The following ZNF540 variants were observed in gnomAD, a reference collection of about 807,000 sequenced individuals.
ZNF540 encodes zinc finger protein 540, also known as CTD-3064H18.6.
Under a neutral mutation model 11.8 loss-of-function variants are expected in ZNF540, and 3 were observed. That is an observed-to-expected ratio of 0.25 (90% confidence interval 0.12 to 0.65). The LOEUF is 0.65. Ranked by LOEUF, ZNF540 falls within the 30% of genes least tolerant of loss-of-function variation. The pLI is 0.83. For missense variants in ZNF540, 709 were observed against 793.1 expected (o/e 0.89, Z 1.27); for synonymous variants, 247 against 259.0 (o/e 0.95, Z 0.45).
intron 1 of ZNF540, chr19:37,556,109 TC>T: frequency 1.4e-6 from 1 of 702,768 alleles, no homozygotes; most frequent in South Asian, 1.5e-5. Flanking sequence ...GGTTGACACT[TC>T]CTGCTTTTGG....
chr19:37,578,165 A>G (rs1237083043), intron 1 of ZNF540, among the ~76,000 whole-genome samples: 2 of 152,052 alleles, frequency 1.3e-5, no homozygotes, highest in Admixed American at 1.3e-4. Context: ...CCCACTCCCC[A>G]CGGCCAGAAA....
At chr19:37,588,246 T>A (rs1000367235) in intron 1 of ZNF540, among the ~76,000 whole-genome samples, 1 of 151,844 alleles carries the variant, frequency 6.6e-6, no homozygotes. Flanking sequence ...AGTACAAGTA[T>A]GAAAGCAGAT....
chr19:37,577,531 T>C (rs549643522), intron 1 of ZNF540, among the ~76,000 whole-genome samples: 1 of 152,166 alleles, frequency 6.6e-6, no homozygotes, highest in Admixed American at 6.5e-5. Flanking sequence ...GCAAAGCTAA[T>C]CCTTTATACC....
Position 37,611,556 on chromosome 19 carries a change from G to A in ZNF540, c.276G>A (p.Lys92=). The A allele has an allele frequency of 6.2e-7, 1 of 1,607,208 alleles. No homozygotes were observed. Among genetic ancestry groups the A allele is most frequent in the Non-Finnish European group, 8.5e-7 (1 of 1,177,434 alleles). The part of the protein sequence containing the change: ...RHKTKKLSSE[K]DIHEISLSKE... ...AGACCAAGAAATTATCTTCAGAAAA[G>A]GACATTCATGAAATCAGTTTATCCA... Residue 92 remains lysine, a synonymous_variant, in exon 5 of 5, where the codon AAG becomes AAA. Transcript: ENST00000316433.
rs765462859 is a variant in ZNF540, at chr19:37,565,924, T to G, written c.-73+14259T>G. On this transcript the variant is annotated intron_variant, in intron 1 of 4. Transcript: ENST00000592533. ...TAAAGGTATTCCTGTGTTTCTTAAC[T>G]TCAGAGCATTTTTCTATATTATGAT... 2.5e-6 allele frequency: 4 copies of G among 1,613,928 alleles called. No homozygotes were observed. The Admixed American group carries it at 6.7e-5, about 27-fold the overall frequency.
chr19:37,554,081 A>G (rs1348191318), intron 1 of ZNF540, among the ~76,000 whole-genome samples: 1 of 152,132 alleles, frequency 6.6e-6, no homozygotes, highest in Admixed American at 6.5e-5. Flanking sequence ...TTGGTGTACA[A>G]ATGATTTTGC....
At chr19:37,561,038 C>G (rs942749035) in intron 1 of ZNF540, among the ~76,000 whole-genome samples, 4 of 107,170 alleles carry the variant, frequency 3.7e-5, no homozygotes, top group African/African-American at 1.4e-4. Flanking sequence ...AAAATAAGAC[C>G]CTGTCTCTAC....
chr19:37,568,275 T>G (rs753297898), intron 1 of ZNF540, among the ~76,000 whole-genome samples: 25 of 151,956 alleles, frequency 1.6e-4, no homozygotes, highest in Non-Finnish European at 2.4e-4. Context: ...AAAACACACT[T>G]TTGCTGAAAA....
At chr19:37,593,618 G>C (rs938208943), upstream of ZNF540, among the ~76,000 whole-genome samples, 1 of 152,120 alleles carries the variant, frequency 6.6e-6, no homozygotes, top group African/African-American at 2.4e-5. Flanking sequence ...CAGGAGAATG[G>C]CGTGAACCCG....
At chr19:37,599,199 G>C (rs1029361991) in intron 2 of ZNF540, among the ~76,000 whole-genome samples, 2 of 146,460 alleles carry the variant, frequency 1.4e-5, no homozygotes, top group Non-Finnish European at 3.1e-5. Context: ...TAGATAGATA[G>C]ATAAACTTAA....
chr19:37,572,695 C>A (rs746234139), intron 1 of ZNF540, among the ~76,000 whole-genome samples: 1 of 152,160 alleles, frequency 6.6e-6, no homozygotes, highest in Non-Finnish European at 1.5e-5. Flanking sequence ...GCTTTCTGAA[C>A]TTTTAAAGGT....
chr19:37,575,077 A>G (rs973291681), intron 1 of ZNF540, among the ~76,000 whole-genome samples: 1 of 152,234 alleles, frequency 6.6e-6, no homozygotes, highest in Admixed American at 6.5e-5. Context: ...AACACCCCAA[A>G]TAACAAAACT....
chr19:37,571,180 A>T lies in ZNF540; in HGVS notation c.-73+19515A>T, dbSNP rs183231353. ...TAATAACTGCCCATGACCACACAAC[A>T]TCAAAATGATTTTGCCTTACAAATT... is the stretch of plus-strand genomic sequence containing the variant. On this transcript the variant is annotated intron_variant, in intron 1 of 4. Transcript: ENST00000592533. 4.6e-5 allele frequency among the ~76,000 whole-genome samples: 7 copies of T among 152,236 alleles called. No individual in the cohort carries two copies. In the East Asian group the frequency reaches 1.4e-3, roughly 29 times the overall value.
At chr19:37,598,128 G>A in intron 1 of ZNF540, among the ~76,000 whole-genome samples, 1 of 152,154 alleles carries the variant, frequency 6.6e-6, no homozygotes, top group South Asian at 2.1e-4. Context: ...TCATAGTGGG[G>A]ATTGGCCCAG....
chr19:37,603,826 A>G (rs1190706610), intron 4 of ZNF540, among the ~76,000 whole-genome samples: 2 of 152,208 alleles, frequency 1.3e-5, no homozygotes, highest in African/African-American at 4.8e-5. Flanking sequence ...AGAAAAGGCT[A>G]TTAAGTTCTA....
At chr19:37,610,870 CA>C (rs1278718843) in intron 4 of ZNF540, 1 of 151,932 alleles carries the variant, frequency 6.6e-6, no homozygotes, top group African/African-American at 2.4e-5. Flanking sequence ...ATTCAGATAC[CA>C]AATTACTCCT....
chr19:37,566,705 T>C (rs1471180496), intron 1 of ZNF540, among the ~76,000 whole-genome samples: 4 of 152,178 alleles, frequency 2.6e-5, no homozygotes, highest in African/African-American at 9.6e-5. Context: ...CCCTCTCTCA[T>C]TGTCATAACC....
chr19:37,554,629 T>G (rs1209017410), intron 1 of ZNF540, among the ~76,000 whole-genome samples: 1 of 152,198 alleles, frequency 6.6e-6, no homozygotes, highest in Non-Finnish European at 1.5e-5. Flanking sequence ...TTGGAGTATT[T>G]TCAACCATTA....
chr19:37,572,362 A>G (rs2043091731), intron 1 of ZNF540, among the ~76,000 whole-genome samples: 2 of 152,232 alleles, frequency 1.3e-5, no homozygotes, highest in South Asian at 4.1e-4. Flanking sequence ...TAAGTTTTAA[A>G]CTGTGTGCCA....
Sources: gnomAD v4.1 joint callset for allele counts (sites outside exome capture counted in the v4.1 genomes callset) on GRCh38, gnomAD v4.1.1 for gene constraint, MANE v1.5 for transcripts, NCBI Gene and HGNC (gene_info 2026-07-23, HGNC 2026-07-21) for gene names.